Variants in CLEC16A observed in about 807,000 individuals in gnomAD.
The protein encoded by CLEC16A is protein CLEC16A.
CLEC16A carries 51 observed loss-of-function variants against 109.5 expected under a neutral mutation model. The ratio of observed to expected loss-of-function variants is 0.47; its 90% CI spans 0.37 to 0.59. The LOEUF (loss-of-function observed/expected upper bound fraction) is 0.59. Ranked by LOEUF, CLEC16A falls within the 20% of genes least tolerant of loss-of-function variation. CLEC16A has a pLI of 0.00. For missense variants in CLEC16A, 1,339 were observed against 1,394.0 expected (o/e 0.96, Z 0.63); for synonymous variants, 673 against 564.2 (o/e 1.19, Z -2.73).
intron 19 of CLEC16A, among the ~76,000 whole-genome samples, chr16:11,062,891 G>A (rs370159246): frequency 6.6e-6 from 1 of 151,416 alleles, no homozygotes; most frequent in Admixed American, 6.6e-5. Flanking sequence ...AGCTTGCTTT[G>A]GGGGGGTGGG....
chr16:10,945,949 A>G (rs1461264334), intron 1 of CLEC16A, among the ~76,000 whole-genome samples: 2 of 152,202 alleles, frequency 1.3e-5, no homozygotes, highest in Admixed American at 6.5e-5. Flanking sequence ...CCCAGCATCT[A>G]GGACTGCTCT....
intron 13 of CLEC16A, among the ~76,000 whole-genome samples, chr16:11,036,544 C>CTTTTTTTTTTTTTTTTTT (rs71404440): frequency 7.6e-6 from 1 of 131,900 alleles, no homozygotes; most frequent in African/African-American, 2.9e-5. Context: ...TCTAATTTTC[C>CTTTTTTTTTTTTTTTTTT]TTTTTTTTTT....
At chr16:10,977,441 G>A (rs1456040791) in intron 8 of CLEC16A, 42 bp downstream of exon 8, 1 of 1,571,692 alleles carries the variant, frequency 6.4e-7, no homozygotes, top group Non-Finnish European at 8.7e-7. Context: ...AAGGCCATCA[G>A]AAGTGGGGAA....
At chr16:11,068,894 A>T (rs971857854) in intron 19 of CLEC16A, among the ~76,000 whole-genome samples, 1 of 152,010 alleles carries the variant, frequency 6.6e-6, no homozygotes, top group East Asian at 1.9e-4. Flanking sequence ...GGCTCGCTGC[A>T]AGCTCCACCT....
At position 10,979,328 on chromosome 16, in the gene CLEC16A, GGGA is replaced by G. The variant is rs1486760439; in HGVS notation, c.908_910del (p.Gly303del). 1.6e-5 allele frequency: 26 copies of G among 1,611,842 alleles called. No homozygotes were observed. The highest frequency in any genetic ancestry group is 2.0e-5 in the Non-Finnish European group (23 of 1,179,254). ...CTCTCTCTCCTGCCACCCTGCACTA[GGGA>G]GGAGAACGGCCGAAAATTAGCCTGC... On this transcript the variant is annotated inframe_deletion and splice_region_variant, in exon 9 of 24. Transcript: ENST00000409790.
intron 22 of CLEC16A, chr16:11,157,007 A>T: frequency 8.0e-7 from 1 of 1,243,166 alleles, no homozygotes. Flanking sequence ...CAGCAAAAAC[A>T]TTTCTAAGGG....
Position 10,969,158 on chromosome 16 carries a change from T to C in CLEC16A, c.344-3T>C. ...AACCTGTTTTGTTTTTTTCTCCCTC[T>C]AGATTATTTGCTCTCAAATAACTAC... On this transcript the variant is annotated splice_polypyrimidine_tract_variant and splice_region_variant and intron_variant, in intron 3 of 23. Coordinates refer to ENST00000409790, the MANE Select transcript of CLEC16A (RefSeq NM_015226.3). The C allele has an allele frequency of 6.2e-7, 1 of 1,605,948 alleles. No homozygotes were observed. Among genetic ancestry groups the C allele is most frequent in the Non-Finnish European group, 8.5e-7 (1 of 1,176,526 alleles).
At chr16:11,138,762 A>G (rs1459340954) in intron 22 of CLEC16A, among the ~76,000 whole-genome samples, 1 of 152,146 alleles carries the variant, frequency 6.6e-6, no homozygotes, top group East Asian at 1.9e-4. Flanking sequence ...TTTAGTTCGC[A>G]GGCGCACCCT....
chr16:10,976,209 G>A (rs1227992123), intron 7 of CLEC16A, among the ~76,000 whole-genome samples: 13 of 152,272 alleles, frequency 8.5e-5, no homozygotes, highest in Non-Finnish European at 1.6e-4. Flanking sequence ...GGTTGAGGCT[G>A]TAATGAGCTG....
intron 1 of CLEC16A, among the ~76,000 whole-genome samples, chr16:10,949,812 G>T (rs530462641): frequency 6.6e-6 from 1 of 152,174 alleles, no homozygotes; most frequent in Non-Finnish European, 1.5e-5. Flanking sequence ...CTCTGCTGCC[G>T]TCCCCTGGTG....
At chr16:11,117,136 T>G (rs999791775) in intron 19 of CLEC16A, among the ~76,000 whole-genome samples, 1 of 152,154 alleles carries the variant, frequency 6.6e-6, no homozygotes, top group African/African-American at 2.4e-5. Context: ...TGGATACTCA[T>G]GGACATAAAG....
At chr16:10,999,927 C>T (rs1181502244) in intron 10 of CLEC16A, among the ~76,000 whole-genome samples, 1 of 152,188 alleles carries the variant, frequency 6.6e-6, no homozygotes, top group African/African-American at 2.4e-5. Flanking sequence ...ACCTCCGCCT[C>T]CCAGGTTCGA....
chr16:11,008,315 A>G (rs1038111921), intron 11 of CLEC16A, among the ~76,000 whole-genome samples: 3 of 152,326 alleles, frequency 2.0e-5, no homozygotes, highest in Non-Finnish European at 2.9e-5. Context: ...GTCAAAGACT[A>G]TTGGGAGGCC....
intron 19 of CLEC16A, among the ~76,000 whole-genome samples, chr16:11,101,987 T>A (rs1407971760): frequency 6.6e-6 from 1 of 151,302 alleles, no homozygotes; most frequent in African/African-American, 2.4e-5. Flanking sequence ...TTTTTTTTTT[T>A]TTTTTTGTAG....
At chr16:11,050,707 G>T (rs963858451) in intron 17 of CLEC16A, among the ~76,000 whole-genome samples, 1 of 152,226 alleles carries the variant, frequency 6.6e-6, no homozygotes, top group Admixed American at 6.5e-5. Flanking sequence ...CCCAGTGGCC[G>T]TGGGCATGCG....
At chr16:11,035,317 T>A (rs1324657604) in intron 13 of CLEC16A, among the ~76,000 whole-genome samples, 1 of 152,208 alleles carries the variant, frequency 6.6e-6, no homozygotes, top group African/African-American at 2.4e-5. Flanking sequence ...TCCCCTTCAT[T>A]TTGAGATTTG....
intron 1 of CLEC16A, among the ~76,000 whole-genome samples, chr16:10,955,166 C>A (rs978946060): frequency 6.6e-6 from 1 of 152,240 alleles, no homozygotes; most frequent in Non-Finnish European, 1.5e-5. Flanking sequence ...ACTCCGAAGC[C>A]TGACCTCTTC....
chr16:11,143,107 C>T (rs1231138884), intron 22 of CLEC16A, among the ~76,000 whole-genome samples: 1 of 152,226 alleles, frequency 6.6e-6, no homozygotes, highest in Non-Finnish European at 1.5e-5. Context: ...CCACTGTGCC[C>T]GGCCTATCCA....
intron 22 of CLEC16A, chr16:11,157,238 C>T: frequency 1.7e-6 from 2 of 1,210,046 alleles, no homozygotes; most frequent in South Asian, 3.1e-5. Flanking sequence ...GAGGTGCAGC[C>T]TAGTCAGTGA....
Sources: gnomAD v4.1 joint callset for allele counts (sites outside exome capture counted in the v4.1 genomes callset) on GRCh38, gnomAD v4.1.1 for gene constraint, MANE v1.5 for transcripts, NCBI Gene and HGNC (gene_info 2026-07-23, HGNC 2026-07-21) for gene names.